PAK3: variants seen among roughly 807,000 people sequenced by gnomAD.
The protein encoded by PAK3 is serine/threonine-protein kinase PAK 3.
In PAK3, 4 loss-of-function variants were observed where a neutral mutation model predicts 41.0. The ratio of observed to expected loss-of-function variants is 0.10; its 90% confidence interval spans 0.05 to 0.22. PAK3 has a LOEUF of 0.22. Among genes scored for constraint, PAK3 ranks in the 10% least tolerant of loss-of-function variants. The pLI is 1.00. For synonymous variants in PAK3, 146 were observed against 139.6 expected (o/e 1.05, Z -0.32); for missense variants, 205 against 409.9 (o/e 0.50, Z 4.32).
At chrX:111,009,381 G>T (rs961547566) in intron 1 of PAK3, among the ~76,000 whole-genome samples, 3 of 112,023 alleles carry the variant, frequency 2.7e-5, no homozygotes, top group African/African-American at 9.7e-5. Flanking sequence ...AGGTCTAAAA[G>T]ATGGCACTGG....
intron 4 of PAK3, among the ~76,000 whole-genome samples, chrX:111,109,534 C>A (rs1274302965): frequency 8.9e-6 from 1 of 112,044 alleles, no homozygotes; most frequent in Non-Finnish European, 1.9e-5. Context: ...GTTTATCTTG[C>A]AGAAATGTGT....
At chrX:110,944,623 G>C (rs2090568860) in exon 1 of PAK3, 1 of 112,332 alleles carries the variant, frequency 8.9e-6, no homozygotes, top group African/African-American at 3.2e-5. Context: ...GAAGAGGCTG[G>C]AACAGGTCTG....
chrX:111,032,690 G>C (rs746492449), intron 1 of PAK3, among the ~76,000 whole-genome samples: 1 of 111,533 alleles, frequency 9.0e-6, no homozygotes, highest in East Asian at 2.8e-4. Context: ...CATCTGATGG[G>C]GGCAATTTTG....
At chrX:110,988,135 A>G (rs2091580412) in intron 1 of PAK3, among the ~76,000 whole-genome samples, 1 of 112,915 alleles carries the variant, frequency 8.9e-6, no homozygotes, top group Non-Finnish European at 1.9e-5. Context: ...GTTAAAACAT[A>G]CAGATTCCTG....
intron 1 of PAK3, among the ~76,000 whole-genome samples, chrX:110,975,865 T>C (rs1325734828): frequency 8.9e-6 from 1 of 111,908 alleles, no homozygotes; most frequent in Non-Finnish European, 1.9e-5. Context: ...GGGGAAAGGA[T>C]TCCCTATTTA....
At chrX:110,957,726 A>G (rs2090894285) in intron 1 of PAK3, among the ~76,000 whole-genome samples, 1 of 111,595 alleles carries the variant, frequency 9.0e-6, no homozygotes, top group Non-Finnish European at 1.9e-5. Flanking sequence ...GTGTTTTCCT[A>G]CTTGGTCTTC....
intron 1 of PAK3, among the ~76,000 whole-genome samples, chrX:110,998,858 A>G (rs777751823): frequency 1.5e-4 from 17 of 112,366 alleles, no homozygotes; most frequent in Non-Finnish European, 3.2e-4. Flanking sequence ...AAATACTAGC[A>G]GGATAGAGTG....
At chrX:111,012,570 A>G in intron 1 of PAK3, among the ~76,000 whole-genome samples, 2 of 112,282 alleles carry the variant, frequency 1.8e-5, no homozygotes, top group Admixed American at 1.9e-4. Flanking sequence ...TTTCCTTTGC[A>G]GGACAATAAA....
At chrX:111,103,113 G>T (rs940919092) in intron 3 of PAK3, 46 bp from the exon 4 acceptor site, 1 of 111,361 alleles carries the variant, frequency 9.0e-6, no homozygotes, top group Non-Finnish European at 1.9e-5. Flanking sequence ...AGCAGTAGCA[G>T]GTGGGGAAAG....
chrX:111,070,863 G>T (rs1031329519), intron 1 of PAK3, among the ~76,000 whole-genome samples: 7 of 111,877 alleles, frequency 6.3e-5, no homozygotes, highest in Non-Finnish European at 9.4e-5. Flanking sequence ...TTGAGCTCAT[G>T]ATGCTCTCCA....
intron 11 of PAK3, among the ~76,000 whole-genome samples, chrX:111,190,544 G>A (rs934365489): frequency 3.6e-5 from 4 of 111,810 alleles, no homozygotes; most frequent in Non-Finnish European, 3.8e-5. Flanking sequence ...GTGAAAGGAA[G>A]TAACTAGCGC....
intron 5 of PAK3, among the ~76,000 whole-genome samples, chrX:111,133,102 T>G (rs1271809059): frequency 8.9e-6 from 1 of 112,016 alleles, no homozygotes. Context: ...CTCACACCTT[T>G]TTTTGTTGTG....
At chrX:111,095,612 CT>C (rs1171356543), upstream of PAK3, among the ~76,000 whole-genome samples, 4 of 111,889 alleles carry the variant, frequency 3.6e-5, no homozygotes, top group African/African-American at 1.3e-4. Flanking sequence ...TAATTCCTTG[CT>C]TTTTGGAATG....
chrX:111,105,116 A>G (rs1201232485), intron 4 of PAK3, among the ~76,000 whole-genome samples: 2 of 111,375 alleles, frequency 1.8e-5, no homozygotes, highest in Non-Finnish European at 3.8e-5. Flanking sequence ...CTCACACACA[A>G]TCATATTTAC....
At chrX:111,210,214 T>A (rs1261685760) in intron 16 of PAK3, among the ~76,000 whole-genome samples, 2 of 112,224 alleles carry the variant, frequency 1.8e-5, no homozygotes, top group Non-Finnish European at 3.8e-5. Context: ...AAAGCAGATC[T>A]TGTTAAATGA....
chrX:111,097,078 C>CG (rs2093015821), intron 1 of PAK3, among the ~76,000 whole-genome samples: 1 of 108,443 alleles, frequency 9.2e-6, no homozygotes, highest in Non-Finnish European at 1.9e-5. Flanking sequence ...CCAGAAAGCT[C>CG]AGGGTCCCTG....
chrX:111,136,402 G>A (rs2093790272), intron 5 of PAK3, among the ~76,000 whole-genome samples: 1 of 111,405 alleles, frequency 9.0e-6, no homozygotes, highest in Non-Finnish European at 1.9e-5. Flanking sequence ...ATTAGGGTAG[G>A]GTTTCATAGG....
At chrX:111,173,235 G>C (rs2094366997) in intron 11 of PAK3, among the ~76,000 whole-genome samples, 154 bp downstream of exon 11, 1 of 111,470 alleles carries the variant, frequency 9.0e-6, no homozygotes, top group Non-Finnish European at 1.9e-5. Context: ...CTTTCAGGGG[G>C]AGTGCTGACA....
At chrX:110,971,614 C>T (rs1030015869) in intron 1 of PAK3, among the ~76,000 whole-genome samples, 1 of 111,408 alleles carries the variant, frequency 9.0e-6, no homozygotes, top group Non-Finnish European at 1.9e-5. Context: ...ATATTTTCTC[C>T]CATCCTGTGG....
Sources: gnomAD v4.1 joint callset for allele counts (sites outside exome capture counted in the v4.1 genomes callset) on GRCh38, gnomAD v4.1.1 for gene constraint, MANE v1.5 for transcripts, NCBI Gene and HGNC (gene_info 2026-07-23, HGNC 2026-07-21) for gene names.